The following RASGRP2 variants were observed in gnomAD, a reference collection of about 807,000 sequenced individuals.
RASGRP2 encodes RAS guanyl releasing protein 2.
A neutral mutation model predicts 71.0 loss-of-function variants in RASGRP2; 44 were observed. The observed-to-expected ratio is 0.62, with a 90% CI of 0.49 to 0.80. The LOEUF is 0.80. Among genes scored for constraint, RASGRP2 ranks in the 30% least tolerant of loss-of-function variants. The pLI, the probability that RASGRP2 is intolerant of heterozygous loss-of-function variation, is 0.00. For synonymous variants in RASGRP2, 350 were observed against 330.7 expected (o/e 1.06, Z -0.63); for missense variants, 663 against 813.4 (o/e 0.82, Z 2.25).
Position 64,743,695 on chromosome 11 carries a change from C to A in RASGRP2, c.-72+308G>T. 2.6e-6 allele frequency: 1 copy of A among 379,192 alleles called. No individual in the cohort carries two copies. The highest frequency in any genetic ancestry group is 5.1e-6 in the Non-Finnish European group (1 of 195,700). The allele number at this position is 379,192 out of a possible 1,614,324, so 23.5% of individuals were successfully genotyped here. Reference sequence around the variant, plus strand: ...CGGCTCCTGACCCTGGCCCCGGCCCCGCACAGGCGAACTGTGAGCGCGCAC... The same window carrying A: ...CGGCTCCTGACCCTGGCCCCGGCCCAGCACAGGCGAACTGTGAGCGCGCAC... On this transcript the variant is annotated intron_variant, in intron 1 of 16. Transcript: ENST00000394432. This position sits in a 1 kb window ranked among gnomAD's most constrained non-coding sequence, Gnocchi z 4.9.
chr11:64,729,640 C>T (rs1416674134), intron 14 of RASGRP2, 122 bp downstream of exon 14: 6 of 1,254,298 alleles, frequency 4.8e-6, no homozygotes, highest in African/African-American at 1.5e-5. Context: ...CCCGGCCATG[C>T]GCCTCTGATT....
chr11:64,733,694 CCAAA>C (rs1050458903), intron 12 of RASGRP2, among the ~76,000 whole-genome samples: 5 of 152,044 alleles, frequency 3.3e-5, no homozygotes, highest in Non-Finnish European at 5.9e-5. Flanking sequence ...GAAACAGACA[CCAAA>C]CAAACAAAAT....
intron 5 of RASGRP2, chr11:64,740,581 C>A (rs905460887): frequency 2.3e-5 from 15 of 663,178 alleles, no homozygotes; most frequent in Non-Finnish European, 3.7e-5. Context: ...CCCGGAAGAG[C>A]CCCGAACCCT....
At chr11:64,741,619 C>T in intron 3 of RASGRP2, 118 bp from the exon 4 acceptor site, 1 of 897,122 alleles carries the variant, frequency 1.1e-6, no homozygotes, top group Non-Finnish European at 1.8e-6. Flanking sequence ...TTGCGCTCTG[C>T]GGAGATGCTG....
chr11:64,731,393 T>C (rs2057764749), intron 12 of RASGRP2, among the ~76,000 whole-genome samples: 2 of 151,532 alleles, frequency 1.3e-5, no homozygotes, highest in Admixed American at 6.6e-5. Context: ...TATAATAATT[T>C]TATAATCTTG....
chr11:64,739,856 C>A lies in RASGRP2; in HGVS notation c.523-47G>T, dbSNP rs2135782673. On this transcript the variant is annotated intron_variant, in intron 6 of 16. Coordinates refer to ENST00000394432, the MANE Select transcript of RASGRP2 (RefSeq NM_001098671.2). This position sits in a 1 kb window ranked among gnomAD's most constrained non-coding sequence, Gnocchi z 4.2. ...TCAGCACCTTGCTGGCCTCTCCCCT[C>A]ACTGATAGCCACTCCTCACCCTCCA... is the stretch of plus-strand genomic sequence containing the variant. 1 of 1,610,954 alleles carries A rather than the reference C, an allele frequency of 6.2e-7. No individual in the cohort carries two copies. The highest frequency in any genetic ancestry group is 1.7e-5 in the Admixed American group (1 of 59,958).
Position 64,742,853 on chromosome 11 carries a change from A to G in RASGRP2, c.14T>C (p.Leu5Pro), listed in dbSNP as rs562383121. The change falls in exon 2 of 17, where the codon CTG becomes CCG. Residue 5 changes from leucine to proline, a missense_variant. Transcript: ENST00000394432. The surrounding 1 kb of genome is among the most constrained non-coding windows in gnomAD (Gnocchi z 4.7). Reference sequence around the variant, plus strand: ...CACCGTGCAGCCCTTGTCCAGGTCCAGGGTGCCTGCCATGGCCGCCGGCGC... The same window carrying G: ...CACCGTGCAGCCCTTGTCCAGGTCCGGGGTGCCTGCCATGGCCGCCGGCGC... MAGT[L>P]DLDKGCTVEE... 17 of 1,601,868 alleles carry G rather than the reference A, an allele frequency of 1.1e-5. No homozygotes were observed. The Admixed American group carries it at 2.5e-4, about 24-fold the overall frequency.
In RASGRP2 at chr11:64,742,386, C is replaced by G. The variant is rs1281334052; in HGVS notation, c.74-274G>C. 1.7e-6 allele frequency: 1 copy of G among 582,920 alleles called. No individual in the cohort carries two copies. The highest frequency in any genetic ancestry group is 3.1e-6 in the Non-Finnish European group (1 of 325,750). 36.1% of individuals were successfully genotyped at this position (582,920 alleles called of 1,614,324 possible). A position where few individuals can be genotyped will look rare whatever the true frequency, so the allele number is the denominator to read the frequency against. On this transcript the variant is annotated intron_variant, in intron 2 of 16. Transcript: ENST00000394432. This position sits in a 1 kb window ranked among gnomAD's most constrained non-coding sequence, Gnocchi z 4.7. ...GCTGGGGCGGAAGGAGCCTGGGTTC[C>G]CCGGGGTCAAGAATCCAGAGGTCAT...
Position 64,729,757 on chromosome 11 carries a change from C to G in RASGRP2, c.1591+5G>C. ...CCAGCAGCCCTTCCAGTCATTCCAT[C>G]TCACCTCGGCATTTGAGGCCCTGCT... On this transcript the variant is annotated splice_donor_5th_base_variant and intron_variant, in intron 14 of 16. Coordinates refer to ENST00000394432, the MANE Select transcript of RASGRP2 (RefSeq NM_001098671.2). 1 of 1,614,026 alleles carries G rather than the reference C, an allele frequency of 6.2e-7. No individual in the cohort carries two copies. Among genetic ancestry groups the G allele is most frequent in the South Asian group, 1.1e-5 (1 of 91,082 alleles).
Position 64,727,121 on chromosome 11 carries a change from T to C in RASGRP2, c.*17A>G. The stretch of plus-strand genomic sequence containing the variant: ...CTCCAAGGCAGGAATGAGTCCTTGA[T>C]CCAACCACAGCTGGGAAGAGAAAAA... On this transcript the variant is annotated 3_prime_UTR_variant, in exon 17 of 17. Coordinates refer to ENST00000394432, the MANE Select transcript of RASGRP2 (RefSeq NM_001098671.2). 1.7e-6 allele frequency: 1 copy of C among 604,938 alleles called. No individual in the cohort carries two copies. Among genetic ancestry groups the C allele is most frequent in the Middle Eastern group, 2.8e-4 (1 of 3,604 alleles). The allele number at this position is 604,938 out of a possible 1,614,324, so 37.5% of individuals were successfully genotyped here.
rs1196753465 is a variant in RASGRP2 at position 64,740,017 on chromosome 11, A to T, written c.518T>A (p.Ile173Asn). ...CCCCCAGCCCTCGGGCCGCACCAGG[A>T]TCTTGCAGAAGGAGCGATACTCCAA... ...TYLEYRSFCK[I>N]LFQDYHSFVT... Residue 173 changes from isoleucine to asparagine, a missense_variant, in exon 6 of 17, where the codon ATC (isoleucine) becomes AAC (asparagine). By Grantham distance (149) the Ile-to-Asn change is moderately radical. Coordinates refer to ENST00000394432, the MANE Select transcript of RASGRP2 (RefSeq NM_001098671.2). The T allele has an allele frequency of 6.2e-7, 1 of 1,613,884 alleles. No individual in the cohort carries two copies. The highest frequency in any genetic ancestry group is 8.5e-7 in the Non-Finnish European group (1 of 1,179,986).
Position 64,743,764 on chromosome 11 carries a change from G to A in RASGRP2, c.-72+239C>T, listed in dbSNP as rs1021111171. 5.2e-5 allele frequency: 16 copies of A among 307,446 alleles called. No homozygotes were observed. The highest frequency in any genetic ancestry group is 8.2e-5 in the Non-Finnish European group (13 of 158,144). The allele number at this position is 307,446 out of a possible 1,614,324, so 19.0% of individuals were successfully genotyped here. A position where few individuals can be genotyped will look rare whatever the true frequency, so the allele number is the denominator to read the frequency against. On this transcript the variant is annotated intron_variant, in intron 1 of 16. Transcript: ENST00000394432. The surrounding 1 kb of genome is among the most constrained non-coding windows in gnomAD (Gnocchi z 4.9). Reference sequence around the variant, plus strand: ...GGGGGCGCTCGCGCCAAGGGTGGCCGGTGGGTGCATGACACCATTAGCAAC... The same window carrying A: ...GGGGGCGCTCGCGCCAAGGGTGGCCAGTGGGTGCATGACACCATTAGCAAC...
Position 64,742,306 on chromosome 11 carries a change from C to T in RASGRP2, c.74-194G>A, listed in dbSNP as rs1048993146. Among the ~76,000 whole-genome samples the T allele has an allele frequency of 1.5e-4, 23 of 152,202 alleles. 1 individual carries two copies. The highest frequency in any genetic ancestry group is 1.4e-3 in the Admixed American group (22 of 15,300). ...TGTGGTGGGCGAGAGATAGGCACGC[C>T]CTGAGGACTGGAGGAGGGGAGCGCC... On this transcript the variant is annotated intron_variant, in intron 2 of 16. Transcript: ENST00000394432. This position sits in a 1 kb window ranked among gnomAD's most constrained non-coding sequence, Gnocchi z 4.7.
rs2058144742 is a variant in RASGRP2, at chr11:64,742,072, C to T, written c.114G>A (p.Met38Ile). Residue 38 changes from methionine to isoleucine, a missense_variant, in exon 3 of 17, where the codon ATG becomes ATA. Coordinates refer to ENST00000394432, the MANE Select transcript of RASGRP2 (RefSeq NM_001098671.2). This position sits in a 1 kb window ranked among gnomAD's most constrained non-coding sequence, Gnocchi z 4.7. ...TGTACCAGGGGTGCATCATGAGGAA[C>T]ATGCGCACCAGCTGCGGGTCCCGCA... Reference protein sequence around the residue: ...GKVRDPQLVRMFLMMHPWYIP... With the variant: ...GKVRDPQLVRIFLMMHPWYIP... 3 of 1,609,742 alleles carry T rather than the reference C, an allele frequency of 1.9e-6. No homozygotes were observed. The highest frequency in any genetic ancestry group is 2.5e-6 in the Non-Finnish European group (3 of 1,178,010).
upstream of RASGRP2, chr11:64,744,439 G>A: frequency 2.6e-6 from 1 of 388,452 alleles, no homozygotes; most frequent in Non-Finnish European, 3.5e-6. Flanking sequence ...TTCCTCGTGT[G>A]ACCTTGAGAA....
intron 12 of RASGRP2, among the ~76,000 whole-genome samples, chr11:64,732,425 G>T (rs902347137): frequency 5.3e-5 from 8 of 152,208 alleles, no homozygotes; most frequent in African/African-American, 1.9e-4. Context: ...TCGGGAGGCC[G>T]AGGCGGGCGG....
intron 14 of RASGRP2, 148 bp from the exon 15 acceptor site, chr11:64,729,190 T>C: frequency 1.2e-6 from 1 of 809,438 alleles, no homozygotes; most frequent in East Asian, 2.7e-5. Context: ...AGTGTTCTCC[T>C]CCTCCTAATT....
chr11:64,728,807 C>G, intron 15 of RASGRP2, 56 bp downstream of exon 15: 1 of 1,483,896 alleles, frequency 6.7e-7, no homozygotes, highest in Non-Finnish European at 9.2e-7. Flanking sequence ...CGTTCTTTGC[C>G]CCAGTAGCCC....
Position 64,743,273 on chromosome 11 carries a change from ACCCCGCAGCTCGGCTCTGCGCC to A in RASGRP2, c.-71-358_-71-337del, listed in dbSNP as rs1160512856. 1.1e-5 allele frequency: 5 copies of A among 474,580 alleles called. No homozygotes were observed. The highest frequency in any genetic ancestry group is 2.1e-5 in the Non-Finnish European group (5 of 239,756). The allele number at this position is 474,580 out of a possible 1,614,324, so 29.4% of individuals were successfully genotyped here. On this transcript the variant is annotated intron_variant, in intron 1 of 16. Coordinates refer to ENST00000394432, the MANE Select transcript of RASGRP2 (RefSeq NM_001098671.2). This position sits in a 1 kb window ranked among gnomAD's most constrained non-coding sequence, Gnocchi z 4.9. Reference sequence around the variant, plus strand: ...CCCTCTCCCCAGAGGCACCTGCAGCACCCCGCAGCTCGGCTCTGCGCCCCTCCCGCTTCCCTCCCTCCACAGC... The same window carrying A: ...CCCTCTCCCCAGAGGCACCTGCAGCACCTCCCGCTTCCCTCCCTCCACAGC...
Sources: gnomAD v4.1 joint callset for allele counts (sites outside exome capture counted in the v4.1 genomes callset) on GRCh38, gnomAD v4.1.1 for gene constraint, Gnocchi (gnomAD v3.1) non-coding constraint, MANE v1.5 for transcripts, NCBI Gene and HGNC (gene_info 2026-07-23, HGNC 2026-07-21) for gene names.